Variants in ASB15 observed in about 807,000 individuals in gnomAD.
The protein encoded by ASB15 is ankyrin repeat and SOCS box protein 15.
In ASB15, 54 loss-of-function variants were observed where a neutral mutation model predicts 58.0. That is an observed-to-expected ratio of 0.93 (90% confidence interval 0.75 to 1.17). ASB15 has a LOEUF of 1.17. Among genes scored for constraint, ASB15 ranks in the 50% most tolerant of loss-of-function variants. The pLI, the probability that ASB15 is intolerant of heterozygous loss-of-function variation, is 0.00. For synonymous variants in ASB15, 249 were observed against 262.4 expected (o/e 0.95, Z 0.50); for missense variants, 680 against 707.4 (o/e 0.96, Z 0.44).
chr7:123,602,166 A>T (rs890933842), intron 1 of ASB15, among the ~76,000 whole-genome samples: 1 of 152,168 alleles, frequency 6.6e-6, no homozygotes, highest in Non-Finnish European at 1.5e-5. Flanking sequence ...TGAGAAAAAC[A>T]GATTAAGAAT....
chr7:123,629,374 G>A lies in ASB15; in HGVS notation c.1380G>A (p.Trp460Ter). The part of the protein sequence containing the change: ...HGDIFGNSFV[W>*]SEIQEEVLPG... ...ACATCTTTGGAAATTCATTTGTGTG[G>A]TCAGAGATACAGGAAGAGGTGCTGC... The change falls in exon 10 of 12, where the codon TGG becomes TGA. Residue 460 changes from tryptophan to a stop codon, truncating the protein, a stop_gained. Transcript: ENST00000451215. LOFTEE classifies it high-confidence loss of function. 6.2e-7 allele frequency: 1 copy of A among 1,613,880 alleles called. No individual in the cohort carries two copies. The highest frequency in any genetic ancestry group is 8.5e-7 in the Non-Finnish European group (1 of 1,179,980).
At chr7:123,582,939 A>G (rs1799276742) in intron 1 of ASB15, among the ~76,000 whole-genome samples, 1 of 152,086 alleles carries the variant, frequency 6.6e-6, no homozygotes, top group Non-Finnish European at 1.5e-5. Context: ...CCATGAAAGA[A>G]ACTAGTGTAA....
At chr7:123,617,765 T>A in intron 7 of ASB15, 28 bp downstream of exon 7, 1 of 1,572,466 alleles carries the variant, frequency 6.4e-7, no homozygotes, top group Non-Finnish European at 8.7e-7. Context: ...CTAGAACTTT[T>A]ATAGTTTGAA....
chr7:123,587,187 C>T (rs1799397792), intron 1 of ASB15, among the ~76,000 whole-genome samples: 1 of 151,388 alleles, frequency 6.6e-6, no homozygotes, highest in Admixed American at 6.6e-5. Flanking sequence ...TTAATTCTTC[C>T]AAATTCCATT....
At chr7:123,601,447 C>T (rs1364509247), upstream of ASB15, among the ~76,000 whole-genome samples, 1 of 152,064 alleles carries the variant, frequency 6.6e-6, no homozygotes, top group Non-Finnish European at 1.5e-5. Context: ...TGACCTGAAT[C>T]TGAAAGATGG....
chr7:123,633,614 AGT>A lies in ASB15; in HGVS notation c.1595-3177_1595-3176del, dbSNP rs78550048. Among the ~76,000 whole-genome samples, 1,416 of 150,594 alleles carry A rather than the reference AGT, an allele frequency of 9.4e-3. 23 individuals carry two copies. The highest frequency in any genetic ancestry group is 0.026 in the Admixed American group (399 of 15,126). ...ATCTGTGTGCATGTGGATTATGCTG[AGT>A]GTGTGTGTGTGTGTGTGCACGCGCG... On this transcript the variant is annotated intron_variant, in intron 11 of 11. Transcript: ENST00000451215.
At position 123,629,239 on chromosome 7, in the gene ASB15, C is replaced by T. The variant is rs1364554207; in HGVS notation, c.1245C>T (p.Asp415=). Residue 415 remains aspartate (D), a synonymous_variant, in exon 10 of 12, where the codon GAC becomes GAT. Coordinates refer to ENST00000451215, the MANE Select transcript of ASB15 (RefSeq NM_001290258.2). ...ATTGTTATTTTATGCATGTGAATGACACTCGTTTCCCCAGTGTCATTCAAT... is the reference window on the plus strand; with the variant it reads ...ATTGTTATTTTATGCATGTGAATGATACTCGTTTCCCCAGTGTCATTCAAT... ...NVNCYFMHVN[D]TRFPSVIQYA... 3.1e-6 allele frequency: 5 copies of T among 1,614,012 alleles called. No individual in the cohort carries two copies. The highest frequency in any genetic ancestry group is 2.2e-5 in the East Asian group (1 of 44,876).
intron 1 of ASB15, among the ~76,000 whole-genome samples, chr7:123,595,820 A>G (rs2116382959): frequency 6.6e-6 from 1 of 152,302 alleles, no homozygotes; most frequent in Non-Finnish European, 1.5e-5. Flanking sequence ...GTATTTGTCT[A>G]CACTGTGGGT....
rs1255399868 is a variant in ASB15 at position 123,639,383 on chromosome 7, T to C, written c.*2402T>C. The C allele has an allele frequency of 6.6e-6, 1 of 152,188 alleles. No individual in the cohort carries two copies. The highest frequency in any genetic ancestry group is 1.9e-4 in the East Asian group (1 of 5,194). 9.4% of individuals were successfully genotyped at this position (152,188 alleles called of 1,614,324 possible). A position where few individuals can be genotyped will look rare whatever the true frequency, so the allele number is the denominator to read the frequency against. On this transcript the variant is annotated 3_prime_UTR_variant, in exon 12 of 12. Transcript: ENST00000451215. ...TTGCACTCTTAGACGTGGTTAAATG[T>C]ATTGTTACCTAAAAATATTACTCTA...
intron 7 of ASB15, among the ~76,000 whole-genome samples, chr7:123,619,464 T>C (rs1584790421): frequency 6.6e-6 from 1 of 152,310 alleles, no homozygotes; most frequent in Middle Eastern, 3.4e-3. Flanking sequence ...TCTGCCCCGA[T>C]ACAGTTTGCT....
In ASB15 at chr7:123,638,437, AAG is replaced by A. The variant is rs1243247966; in HGVS notation, c.*1459_*1460del. The A allele has an allele frequency of 6.6e-6, 1 of 152,174 alleles. No individual in the cohort carries two copies. The highest frequency in any genetic ancestry group is 1.5e-5 in the Non-Finnish European group (1 of 68,032). 9.4% of individuals were successfully genotyped at this position (152,174 alleles called of 1,614,324 possible). A position where few individuals can be genotyped will look rare whatever the true frequency, so the allele number is the denominator to read the frequency against. On this transcript the variant is annotated 3_prime_UTR_variant, in exon 12 of 12. Transcript: ENST00000451215. ...GGTTTTATTGTGTTTATTTTTCAAA[AAG>A]AGTCATTAAAAAATACCATCTACTA...
intron 3 of ASB15, among the ~76,000 whole-genome samples, chr7:123,611,543 G>A (rs943139001): frequency 1.9e-4 from 29 of 151,996 alleles, no homozygotes; most frequent in African/African-American, 5.8e-4. Flanking sequence ...TGACCCACCC[G>A]CCTTGGCCTC....
chr7:123,600,979 AT>A (rs1799856057), upstream of ASB15, among the ~76,000 whole-genome samples: 1 of 152,178 alleles, frequency 6.6e-6, no homozygotes, highest in Admixed American at 6.6e-5. Context: ...AGAAATGAAA[AT>A]GAATATAAAA....
intron 9 of ASB15, among the ~76,000 whole-genome samples, chr7:123,627,546 T>G (rs1445855303): frequency 1.3e-5 from 2 of 152,334 alleles, no homozygotes; most frequent in East Asian, 3.9e-4. Context: ...TAAGTGAGAA[T>G]TCTGCACAAG....
At chr7:123,627,462 C>A (rs1286861002) in intron 9 of ASB15, among the ~76,000 whole-genome samples, 181 bp downstream of exon 9, 1 of 152,044 alleles carries the variant, frequency 6.6e-6, no homozygotes, top group East Asian at 1.9e-4. Flanking sequence ...TTTTGATATT[C>A]TTGTACTTCC....
At chr7:123,584,805 C>T (rs766831333) in intron 1 of ASB15, 5 of 151,834 alleles carry the variant, frequency 3.3e-5, no homozygotes, top group African/African-American at 4.8e-5. Context: ...TTCAGTAAAA[C>T]TATGAAACTT....
intron 6 of ASB15, among the ~76,000 whole-genome samples, chr7:123,616,909 C>T (rs1800855091): frequency 6.6e-6 from 1 of 152,104 alleles, no homozygotes. Context: ...ACTGACAATA[C>T]TGGTCTTTAC....
chr7:123,609,054 T>A (rs1800300274), intron 3 of ASB15: 1 of 151,236 alleles, frequency 6.6e-6, no homozygotes, highest in African/African-American at 2.4e-5. Flanking sequence ...CTCAGGGACC[T>A]CTAGTAGATT....
intron 1 of ASB15, among the ~76,000 whole-genome samples, chr7:123,584,426 G>C (rs1799322326): frequency 6.6e-6 from 1 of 151,742 alleles, no homozygotes; most frequent in African/African-American, 2.4e-5. Flanking sequence ...AAGCTCCCCA[G>C]GTGATTCCAA....
Sources: allele counts gnomAD v4.1 joint callset (sites outside exome capture counted in the v4.1 genomes callset), GRCh38; gene constraint gnomAD v4.1.1; transcripts MANE v1.5; gene names NCBI Gene and HGNC (gene_info 2026-07-23, HGNC 2026-07-21).